Variants in CNGA3 observed in about 807,000 individuals in gnomAD.
CNGA3 encodes the protein cyclic nucleotide-gated channel alpha-3.
In CNGA3, 42 loss-of-function variants were observed where a neutral mutation model predicts 46.6. The ratio of observed to expected loss-of-function variants is 0.90; its 90% CI spans 0.70 to 1.17. The LOEUF (loss-of-function observed/expected upper bound fraction) is 1.17. Ranked by LOEUF, CNGA3 falls within the 50% of genes most tolerant of loss-of-function variation. The pLI is 0.00. For missense variants in CNGA3, 893 were observed against 890.7 expected, an observed-to-expected ratio of 1.00 and a Z score of -0.03; for synonymous variants, 394 against 369.4, an observed-to-expected ratio of 1.07 and a Z score of -0.76.
chr2:98,364,311 G>A (rs1351596037), intron 1 of CNGA3, among the ~76,000 whole-genome samples: 2 of 152,184 alleles, frequency 1.3e-5, no homozygotes, highest in African/African-American at 4.8e-5. Flanking sequence ...CCAGGAGGTA[G>A]AGGTTGCAGT....
intron 1 of CNGA3, among the ~76,000 whole-genome samples, chr2:98,359,250 G>GTTAC (rs1055811318): frequency 6.6e-6 from 1 of 152,200 alleles, no homozygotes; most frequent in Non-Finnish European, 1.5e-5. Context: ...CCCCAAGGAT[G>GTTAC]TTACCCCTTC....
At chr2:98,348,336 T>G (rs945137680) in intron 1 of CNGA3, among the ~76,000 whole-genome samples, 4 of 152,224 alleles carry the variant, frequency 2.6e-5, no homozygotes, top group Non-Finnish European at 5.9e-5. Context: ...CCTTTGATGC[T>G]CCTGTTTCTA....
At position 98,378,807 on chromosome 2, in the gene CNGA3, G is replaced by A. The variant is rs143221511; in HGVS notation, c.215+1007G>A. Reference sequence around the variant, plus strand: ...CAGGGAAACAGAGCCAGTGGGGCTCGCAGGAGGGGACCTGGGGAGGTAGTC... The same window carrying A: ...CAGGGAAACAGAGCCAGTGGGGCTCACAGGAGGGGACCTGGGGAGGTAGTC... On this transcript the variant is annotated intron_variant, in intron 3 of 7. Transcript: ENST00000272602. Among the ~76,000 whole-genome samples the A allele has an allele frequency of 1.1e-3, 171 of 152,326 alleles. 1 individual carries two copies. Among genetic ancestry groups the A allele is most frequent in the Non-Finnish European group, 1.9e-3 (127 of 68,028 alleles).
intron 1 of CNGA3, among the ~76,000 whole-genome samples, chr2:98,362,719 G>A (rs1184947284): frequency 6.6e-6 from 1 of 152,136 alleles, no homozygotes; most frequent in Non-Finnish European, 1.5e-5. Flanking sequence ...TTGTCATGAA[G>A]CCTTTGCCCG....
intron 1 of CNGA3, 109 bp from the exon 2 acceptor site, chr2:98,369,830 T>C: frequency 1.4e-6 from 1 of 689,940 alleles, no homozygotes; most frequent in South Asian, 1.6e-5. Context: ...AGGGTGTGCC[T>C]GCCAGGGCTT....
intron 2 of CNGA3, chr2:98,377,371 G>A (rs564313383): frequency 3.3e-6 from 1 of 304,372 alleles, no homozygotes; most frequent in South Asian, 4.3e-5. Flanking sequence ...GCTTTGGCTT[G>A]AAATGGCAAG....
chr2:98,379,032 G>C (rs140474445), intron 3 of CNGA3, among the ~76,000 whole-genome samples: 2 of 152,244 alleles, frequency 1.3e-5, no homozygotes, highest in African/African-American at 4.8e-5. Flanking sequence ...CTCTCTGTGC[G>C]TCAGTTGTCT....
chr2:98,380,166 A>G lies in CNGA3; in HGVS notation c.216-9A>G, dbSNP rs1345984396. ...CTCCCTCTGGCTCAGTGCTTGTGTC[A>G]CCTTCCAGGCTGTCGCGCCTCATCT... On this transcript the variant is annotated splice_polypyrimidine_tract_variant and intron_variant, in intron 3 of 7. Coordinates refer to ENST00000272602, the MANE Select transcript of CNGA3 (RefSeq NM_001298.3). 4 of 1,613,804 alleles carry G rather than the reference A, an allele frequency of 2.5e-6. No individual in the cohort carries two copies. Among genetic ancestry groups the G allele is most frequent in the Non-Finnish European group, 3.4e-6 (4 of 1,180,022 alleles).
At chr2:98,379,984 C>T (rs1692500072) in intron 3 of CNGA3, 191 bp from the exon 4 acceptor site, 1 of 658,414 alleles carries the variant, frequency 1.5e-6, no homozygotes, top group Non-Finnish European at 2.7e-6. Context: ...TAAACGGTCC[C>T]CATGGGGCAG....
intron 2 of CNGA3, among the ~76,000 whole-genome samples, chr2:98,375,588 T>A (rs141033761): frequency 6.6e-6 from 1 of 152,212 alleles, no homozygotes; most frequent in Non-Finnish European, 1.5e-5. Flanking sequence ...CAGGGTCTTT[T>A]ATGTGTACAC....
intron 2 of CNGA3, among the ~76,000 whole-genome samples, chr2:98,373,305 G>C (rs1045215129): frequency 1.3e-5 from 2 of 152,206 alleles, no homozygotes; most frequent in Non-Finnish European, 2.9e-5. Flanking sequence ...ATAGTGTTTG[G>C]ACAAGTCACA....
At chr2:98,381,939 C>G (rs1408802692) in intron 4 of CNGA3, among the ~76,000 whole-genome samples, 4 of 152,152 alleles carry the variant, frequency 2.6e-5, no homozygotes, top group African/African-American at 9.7e-5. Flanking sequence ...CCAGACTGGT[C>G]TAATTCCTTT....
At chr2:98,379,627 G>A (rs887354093) in intron 3 of CNGA3, among the ~76,000 whole-genome samples, 4 of 152,322 alleles carry the variant, frequency 2.6e-5, no homozygotes, top group Admixed American at 2.6e-4. Flanking sequence ...ACTCTAGTTT[G>A]TACAAGAACA....
chr2:98,354,313 A>G (rs749029674), intron 1 of CNGA3, among the ~76,000 whole-genome samples: 4 of 152,136 alleles, frequency 2.6e-5, no homozygotes, highest in African/African-American at 2.4e-5. Flanking sequence ...CAACTGTAGT[A>G]AGTCATTGTG....
chr2:98,380,525 A>G (rs1692514554), intron 4 of CNGA3, among the ~76,000 whole-genome samples, 171 bp downstream of exon 4: 1 of 152,152 alleles, frequency 6.6e-6, no homozygotes, highest in Admixed American at 6.5e-5. Context: ...ATGCTCTAAC[A>G]GCCTCTGCGG....
intron 2 of CNGA3, among the ~76,000 whole-genome samples, chr2:98,375,708 T>C (rs1305810217): frequency 1.3e-5 from 2 of 152,216 alleles, no homozygotes; most frequent in African/African-American, 4.8e-5. Context: ...CAGCAATGTC[T>C]CTAGTGGCAT....
At chr2:98,393,230 C>CAA (rs145382807) in intron 7 of CNGA3, among the ~76,000 whole-genome samples, 1 of 140,610 alleles carries the variant, frequency 7.1e-6, no homozygotes, top group Non-Finnish European at 1.6e-5. Flanking sequence ...GACCTTGTCT[C>CAA]AAAAAAAAAA....
chr2:98,369,871 C>G, intron 1 of CNGA3, 68 bp from the exon 2 acceptor site: 2 of 1,031,494 alleles, frequency 1.9e-6, no homozygotes, highest in Non-Finnish European at 3.0e-6. Flanking sequence ...AGCCCTTGCC[C>G]TTGATGAGCT....
Position 98,396,052 on chromosome 2 carries a change from G to A in CNGA3, c.882G>A (p.Arg294=), listed in dbSNP as rs771652200. ...AATTCTTTGACCGCACAGAGACAAGGACCAACTACCCCAATATGTTCAGGA... is the reference window on the plus strand; with the variant it reads ...AATTCTTTGACCGCACAGAGACAAGAACCAACTACCCCAATATGTTCAGGA... The part of the protein sequence containing the change: ...LFEFFDRTET[R]TNYPNMFRIG... Residue 294 remains arginine, a synonymous_variant, in exon 8 of 8, where the codon AGG becomes AGA. Transcript: ENST00000272602. 2.5e-6 allele frequency: 4 copies of A among 1,614,166 alleles called. No individual in the cohort carries two copies. The South Asian group carries it at 3.3e-5, about 13-fold the overall frequency.
Sources: allele counts gnomAD v4.1 joint callset (sites outside exome capture counted in the v4.1 genomes callset), GRCh38; gene constraint gnomAD v4.1.1; transcripts MANE v1.5; gene names NCBI Gene and HGNC (gene_info 2026-07-23, HGNC 2026-07-21).